The following PARD3 variants were observed in gnomAD, a reference collection of about 807,000 sequenced individuals.
PARD3 encodes par-3 family cell polarity regulator.
A neutral mutation model predicts 155.4 loss-of-function variants in PARD3; 75 were observed. The ratio of observed to expected loss-of-function variants is 0.48; its 90% CI spans 0.40 to 0.58. The LOEUF (loss-of-function observed/expected upper bound fraction) is 0.58, where lower values mean the gene tolerates loss of function less well. Ranked by LOEUF, PARD3 falls within the 20% of genes least tolerant of loss-of-function variation. PARD3 has a pLI of 0.00. For synonymous variants in PARD3, 576 were observed against 610.5 expected (o/e 0.94, Z 0.83); for missense variants, 1,642 against 1,721.7 (o/e 0.95, Z 0.82).
intron 22 of PARD3, among the ~76,000 whole-genome samples, chr10:34,179,693 C>T (rs1203725216): frequency 1.3e-5 from 2 of 152,094 alleles, no homozygotes; most frequent in Non-Finnish European, 2.9e-5. Context: ...TTGAATCCAG[C>T]GAAGCTACAC....
chr10:34,345,649 T>A, intron 15 of PARD3: 1 of 985,452 alleles, frequency 1.0e-6, no homozygotes, highest in Non-Finnish European at 1.2e-6. Context: ...TCTTTGGAAC[T>A]ATGGAATTCA....
chr10:34,347,413 A>G (rs192712458), intron 15 of PARD3, among the ~76,000 whole-genome samples: 2 of 152,342 alleles, frequency 1.3e-5, no homozygotes, highest in Admixed American at 6.5e-5. Context: ...CAAAGGATGC[A>G]GAAGACTAGT....
intron 22 of PARD3, among the ~76,000 whole-genome samples, chr10:34,168,678 T>A (rs1949651434): frequency 6.6e-6 from 1 of 152,222 alleles, no homozygotes; most frequent in African/African-American, 2.4e-5. Context: ...GCAGCTATAA[T>A]CAACAGCTGT....
intron 4 of PARD3, among the ~76,000 whole-genome samples, chr10:34,462,220 AAG>A (rs773825973): frequency 2.0e-5 from 3 of 152,222 alleles, no homozygotes; most frequent in Non-Finnish European, 2.9e-5. Flanking sequence ...CAGAAAATTA[AAG>A]AGAGCTACAG....
At chr10:34,407,211 G>A (rs1844577453) in intron 5 of PARD3, among the ~76,000 whole-genome samples, 1 of 152,200 alleles carries the variant, frequency 6.6e-6, no homozygotes, top group South Asian at 2.1e-4. Context: ...CCAAGGGGGT[G>A]GAGGGGCTTC....
chr10:34,526,080 CAAAAAAAAAAAA>C lies in PARD3; in HGVS notation c.223-8933_223-8922del, dbSNP rs765686445. Among the ~76,000 whole-genome samples the C allele has an allele frequency of 3.1e-4, 16 of 51,824 alleles. 1 individual carries two copies. The highest frequency in any genetic ancestry group is 5.6e-4 in the East Asian group (1 of 1,770). 34.0% of individuals were successfully genotyped at this position (51,824 alleles called of 152,430 possible). A position where few individuals can be genotyped will look rare whatever the true frequency, so the allele number is the denominator to read the frequency against. On this transcript the variant is annotated intron_variant, in intron 2 of 24. Coordinates refer to ENST00000374788, the MANE Select transcript of PARD3 (RefSeq NM_001184785.2). ...CTGGTGGCAGAGAGAGACTCCGTATCAAAAAAAAAAAAAAAAAAAAAAAAAATCCAACACCAT... is the reference window on the plus strand; with the variant it reads ...CTGGTGGCAGAGAGAGACTCCGTATCAAAAAAAAAAAAAATCCAACACCAT...
intron 1 of PARD3, among the ~76,000 whole-genome samples, chr10:34,702,851 G>C (rs1277057279): frequency 6.6e-6 from 1 of 152,162 alleles, no homozygotes; most frequent in Admixed American, 6.5e-5. Flanking sequence ...CAACCATGGA[G>C]AGACAGACTT....
At chr10:34,586,891 G>A (rs2088113094) in intron 2 of PARD3, among the ~76,000 whole-genome samples, 1 of 152,132 alleles carries the variant, frequency 6.6e-6, no homozygotes, top group South Asian at 2.1e-4. Context: ...AGAGGTTGCG[G>A]TGAGCTGAGA....
chr10:34,145,160 A>T (rs1948395240), intron 22 of PARD3, among the ~76,000 whole-genome samples: 1 of 122,274 alleles, frequency 8.2e-6, no homozygotes, highest in African/African-American at 3.2e-5. Flanking sequence ...TTATATTCTG[A>T]TTCTCAACTC....
At chr10:34,479,739 C>A (rs1027038876) in intron 3 of PARD3, among the ~76,000 whole-genome samples, 10 of 152,074 alleles carry the variant, frequency 6.6e-5, no homozygotes, top group Non-Finnish European at 1.5e-4. Context: ...CTCCTCTCCA[C>A]CCACTTCAGT....
At chr10:34,786,450 G>T (rs1840973637) in intron 1 of PARD3, among the ~76,000 whole-genome samples, 1 of 152,206 alleles carries the variant, frequency 6.6e-6, no homozygotes, top group African/African-American at 2.4e-5. Context: ...TTTTACAGCA[G>T]TTAGGCCCCA....
chr10:34,571,536 A>G (rs1050530240), intron 2 of PARD3, among the ~76,000 whole-genome samples: 3 of 152,186 alleles, frequency 2.0e-5, no homozygotes, highest in Non-Finnish European at 4.4e-5. Context: ...ATCAGATACT[A>G]TAAAACATAA....
chr10:34,157,748 A>G (rs1321719786), intron 22 of PARD3, among the ~76,000 whole-genome samples: 3 of 152,230 alleles, frequency 2.0e-5, no homozygotes, highest in Non-Finnish European at 4.4e-5. Context: ...GCCCAAATGA[A>G]GCACTTGTTT....
chr10:34,353,881 A>T (rs1301745420), intron 14 of PARD3, among the ~76,000 whole-genome samples: 1 of 151,938 alleles, frequency 6.6e-6, no homozygotes, highest in Non-Finnish European at 1.5e-5. Context: ...TCTCTAAAAA[A>T]GTGAAATCAT....
At chr10:34,770,377 G>A (rs781609564) in intron 1 of PARD3, among the ~76,000 whole-genome samples, 3 of 152,032 alleles carry the variant, frequency 2.0e-5, no homozygotes, top group African/African-American at 4.8e-5. Context: ...ATGACACCTC[G>A]AGCCCTCGGC....
chr10:34,609,840 T>C (rs938795858), intron 2 of PARD3, among the ~76,000 whole-genome samples: 1 of 152,192 alleles, frequency 6.6e-6, no homozygotes, highest in Non-Finnish European at 1.5e-5. Flanking sequence ...CTTGATCGTG[T>C]TTTTAAAACC....
chr10:34,300,046 G>C (rs527899394), intron 20 of PARD3, among the ~76,000 whole-genome samples: 1 of 152,252 alleles, frequency 6.6e-6, no homozygotes, highest in Admixed American at 6.5e-5. Flanking sequence ...ATCATACACA[G>C]AGTGACTCAC....
chr10:34,490,112 C>T (rs1211325928), intron 3 of PARD3, among the ~76,000 whole-genome samples: 1 of 152,116 alleles, frequency 6.6e-6, no homozygotes, highest in South Asian at 2.1e-4. Context: ...TGCCATCACA[C>T]GGTAGGAGTG....
At chr10:34,625,358 GGCAAATTTCTTGGT>G (rs891365156) in intron 2 of PARD3, among the ~76,000 whole-genome samples, 1 of 152,202 alleles carries the variant, frequency 6.6e-6, no homozygotes, top group African/African-American at 2.4e-5. Flanking sequence ...CTATGAACCT[GGCAAATTTCTTGGT>G]GTAAATCTGG....
Sources: gnomAD v4.1 joint callset for allele counts (sites outside exome capture counted in the v4.1 genomes callset) on GRCh38, gnomAD v4.1.1 for gene constraint, MANE v1.5 for transcripts, NCBI Gene and HGNC (gene_info 2026-07-23, HGNC 2026-07-21) for gene names.